SLU7: variants seen among roughly 807,000 people sequenced by gnomAD.
SLU7 encodes spliceosome associated SLU7.
SLU7 carries 60 observed loss-of-function variants against 87.0 expected under a neutral mutation model. The ratio of observed to expected loss-of-function variants is 0.69; its 90% CI spans 0.56 to 0.86. The LOEUF is 0.86. Among genes scored for constraint, SLU7 ranks in the 40% least tolerant of loss-of-function variants. SLU7 has a pLI of 0.00. For missense variants in SLU7, 507 were observed against 686.6 expected (o/e 0.74, Z 2.92); for synonymous variants, 197 against 222.0 (o/e 0.89, Z 1.00).
intron 6 of SLU7, among the ~76,000 whole-genome samples, chr5:160,412,243 CTAAATA>C (rs901078533): frequency 2.0e-5 from 3 of 152,052 alleles, no homozygotes; most frequent in Non-Finnish European, 4.4e-5. Context: ...TTGTGTGTGT[CTAAATA>C]TAAATAGTGG....
intron 6 of SLU7, 125 bp from the exon 7 acceptor site, chr5:160,408,822 T>TA: frequency 5.7e-6 from 1 of 175,450 alleles, no homozygotes. Flanking sequence ...TAAAATATAT[T>TA]TTATTATATA....
intron 15 of SLU7, 75 bp downstream of exon 15, chr5:160,404,364 CA>C: frequency 9.6e-6 from 9 of 939,702 alleles, no homozygotes; most frequent in Non-Finnish European, 8.3e-6. Context: ...GACCCTGTCT[CA>C]AAAAAATAAA....
intron 1 of SLU7, chr5:160,417,111 C>T (rs1162518599): frequency 6.6e-6 from 1 of 152,192 alleles, no homozygotes; most frequent in Non-Finnish European, 1.5e-5. Flanking sequence ...AACAAACTTA[C>T]TTCTTTAGTA....
rs548707689 is a variant in SLU7 at position 160,405,264 on chromosome 5, G to A, written c.1288-129C>T. ...TGGGAGAAAAATTATGGGGATTCAA[G>A]GCTGGCTAACAGGGAGAAGGTAGTC... is the stretch of plus-strand genomic sequence containing the variant. On this transcript the variant is annotated intron_variant, in intron 12 of 15. Coordinates refer to ENST00000297151, the MANE Select transcript of SLU7 (RefSeq NM_006425.5). 2.6e-5 allele frequency: 17 copies of A among 648,626 alleles called. No individual in the cohort carries two copies. The East Asian group carries it at 4.7e-4, about 18-fold the overall frequency. The allele number at this position is 648,626 out of a possible 1,614,324, so 40.2% of individuals were successfully genotyped here. A position where few individuals can be genotyped will look rare whatever the true frequency, so the allele number is the denominator to read the frequency against.
At chr5:160,415,428 T>C (rs2113165560) in intron 1 of SLU7, 118 bp from the exon 2 acceptor site, 2 of 686,384 alleles carry the variant, frequency 2.9e-6, no homozygotes, top group African/African-American at 1.9e-5. Context: ...TCCTATATTA[T>C]GTGTAAGGAA....
At position 160,413,500 on chromosome 5, in the gene SLU7, C is replaced by T. The variant is rs1398006098; in HGVS notation, c.526G>A (p.Glu176Lys). 6.2e-7 allele frequency: 1 copy of T among 1,613,824 alleles called. No individual in the cohort carries two copies. Among genetic ancestry groups the T allele is most frequent in the African/African-American group, 1.3e-5 (1 of 74,906 alleles). ...TCTTCAACAATTTTCATGTGTTCTT[C>T]TGGATTGTAGCCATTCCACCGATCC... ...KRDRWNGYNPEEHMKIVEEYA... is the reference protein window; with the variant it reads ...KRDRWNGYNPKEHMKIVEEYA... Residue 176 changes from glutamate to lysine, a missense_variant, in exon 5 of 16, where the codon GAA (glutamate) becomes AAA (lysine). This residue lies in a region of SLU7 where 155 missense variants were observed against 154.4 expected (regional missense o/e 1.00). Transcript: ENST00000297151.
At chr5:160,413,746 T>C in intron 4 of SLU7, 126 bp from the exon 5 acceptor site, 1 of 1,035,706 alleles carries the variant, frequency 9.7e-7, no homozygotes, top group East Asian at 2.6e-5. Context: ...CAGTAGAAAA[T>C]TTTGTTGGTG....
intron 1 of SLU7, chr5:160,418,450 A>AC (rs1224121501): frequency 6.6e-6 from 1 of 152,220 alleles, no homozygotes; most frequent in African/African-American, 2.4e-5. Context: ...AATATTAAAA[A>AC]CTAAAACTGA....
In SLU7 at chr5:160,408,412, CA is replaced by C. The variant is rs1226466792; in HGVS notation, c.735del (p.Asp245GlufsTer31). 1 of 1,610,090 alleles carries C rather than the reference CA, an allele frequency of 6.2e-7. No homozygotes were observed. The highest frequency in any genetic ancestry group is 1.7e-5 in the Admixed American group (1 of 59,796). On this transcript the variant is annotated frameshift_variant, in exon 8 of 16. Transcript: ENST00000297151. LOFTEE classifies it high-confidence loss of function. ...AAATTCTGTCCAGGCATGTCAATAT[CA>C]TCTGCATATTTATCTTCATCCTCAT... ...SEDEDEDKYA[D>X]DIDMPGQNFD... is the part of the protein sequence containing the mutation.
chr5:160,416,639 G>T lies in SLU7; in HGVS notation c.-16-1329C>A, dbSNP rs560695162. Among the ~76,000 whole-genome samples the T allele has an allele frequency of 2.6e-5, 4 of 152,224 alleles. No individual in the cohort carries two copies. In the South Asian group the frequency reaches 8.3e-4, roughly 32 times the overall value. On this transcript the variant is annotated intron_variant, in intron 1 of 15. Transcript: ENST00000297151. Reference sequence around the variant, plus strand: ...ATCCCTACATCTATCTCATCACTAAGAACAGTTATTTTCACCTTTTGAGTA... The same window carrying T: ...ATCCCTACATCTATCTCATCACTAATAACAGTTATTTTCACCTTTTGAGTA...
At position 160,413,440 on chromosome 5, in the gene SLU7, A is replaced by G; in HGVS notation, c.570+16T>C. 6.2e-7 allele frequency: 1 copy of G among 1,610,662 alleles called. No homozygotes were observed. Among genetic ancestry groups the G allele is most frequent in the Middle Eastern group, 1.7e-4 (1 of 6,056 alleles). Reference sequence around the variant, plus strand: ...GATTCTTTAAAAACCCCAGGAAAGCAGGGAATTTTGCTCACCAAATCAACT... The same window carrying G: ...GATTCTTTAAAAACCCCAGGAAAGCGGGGAATTTTGCTCACCAAATCAACT... On this transcript the variant is annotated intron_variant, in intron 5 of 15. Coordinates refer to ENST00000297151, the MANE Select transcript of SLU7 (RefSeq NM_006425.5).
chr5:160,414,485 T>TTA lies in SLU7; in HGVS notation c.171-14_171-13insTA. The TTA allele has an allele frequency of 2.1e-5, 24 of 1,160,726 alleles. No individual in the cohort carries two copies. Among genetic ancestry groups the TTA allele is most frequent in the Non-Finnish European group, 2.3e-5 (20 of 859,638 alleles). 71.9% of individuals were successfully genotyped at this position (1,160,726 alleles called of 1,614,324 possible). Reference sequence around the variant, plus strand: ...GGGGTTGATGTCTCTGTAATTAAAGTAAAAAAAAAAAAAATTTAAGGATAA... The same window carrying TTA: ...GGGGTTGATGTCTCTGTAATTAAAGTTAAAAAAAAAAAAAAATTTAAGGATAA... On this transcript the variant is annotated splice_polypyrimidine_tract_variant and intron_variant, in intron 2 of 15. Transcript: ENST00000297151.
rs1419146244 is a variant in SLU7 at position 160,407,101 on chromosome 5, A to C, written c.1125+375T>G. Among the ~76,000 whole-genome samples, 1 of 152,204 alleles carries C rather than the reference A, an allele frequency of 6.6e-6. No homozygotes were observed. Among genetic ancestry groups the C allele is most frequent in the Non-Finnish European group, 1.5e-5 (1 of 68,034 alleles). On this transcript the variant is annotated intron_variant, in intron 11 of 15. Coordinates refer to ENST00000297151, the MANE Select transcript of SLU7 (RefSeq NM_006425.5). This position sits in a 1 kb window ranked among gnomAD's most constrained non-coding sequence, Gnocchi z 4.2. ...CTGTGCTACCCTACTAGAGGATGAA[A>C]GACCACATGGGGTGGAGATGAGCTG...
In SLU7 at chr5:160,412,522, T is replaced by TAAA. The variant is rs771953752; in HGVS notation, c.571-4_571-3insTTT. On this transcript the variant is annotated splice_polypyrimidine_tract_variant and splice_region_variant and intron_variant, in intron 5 of 15. Coordinates refer to ENST00000297151, the MANE Select transcript of SLU7 (RefSeq NM_006425.5). ...TGGGCTTTCAATGTTCGTTTTGCCT[T>TAAA]TAAAAAAAAAAAAAAGAAAGAAAGA... 19 of 587,506 alleles carry TAAA rather than the reference T, an allele frequency of 3.2e-5. No individual in the cohort carries two copies. The highest frequency in any genetic ancestry group is 1.6e-4 in the Admixed American group (2 of 12,166). 36.4% of individuals were successfully genotyped at this position (587,506 alleles called of 1,614,324 possible).
intron 1 of SLU7, 118 bp downstream of exon 1, chr5:160,418,905 C>T (rs1449519948): frequency 1.3e-5 from 2 of 152,366 alleles, no homozygotes; most frequent in Non-Finnish European, 1.5e-5. Flanking sequence ...CTCGCTCCCT[C>T]AACACCTGAG....
intron 4 of SLU7, 93 bp downstream of exon 4, chr5:160,413,806 T>C (rs1293829312): frequency 9.8e-7 from 1 of 1,024,130 alleles, no homozygotes; most frequent in East Asian, 2.5e-5. Context: ...TACCTAAATA[T>C]AGGTGATTTC....
Position 160,407,782 on chromosome 5 carries a change from A to G in SLU7, c.949T>C (p.Tyr317His), listed in dbSNP as rs752074524. 1.2e-6 allele frequency: 2 copies of G among 1,613,200 alleles called. No individual in the cohort carries two copies. The highest frequency in any genetic ancestry group is 1.7e-6 in the Non-Finnish European group (2 of 1,179,272). The change falls in exon 10 of 16, where the codon TAC becomes CAC. Residue 317 changes from tyrosine (Y) to histidine (H), a missense_variant. Tyr to His is a moderately conservative substitution (Grantham distance 83). Coordinates refer to ENST00000297151, the MANE Select transcript of SLU7 (RefSeq NM_006425.5). This position sits in a 1 kb window ranked among gnomAD's most constrained non-coding sequence, Gnocchi z 4.2. ...VSYAGDNFVR[Y>H]TGDTISMAQT... The stretch of plus-strand genomic sequence containing the variant: ...GCCATTGAAATGGTATCTCCTGTGT[A>G]CCTAACAAAGTTATCTCCAGCATAA...
At chr5:160,417,071 C>T (rs573218230) in intron 1 of SLU7, 1 of 152,236 alleles carries the variant, frequency 6.6e-6, no homozygotes, top group Admixed American at 6.5e-5. Context: ...GTTTGTGAGG[C>T]CTCCCCAGCC....
intron 1 of SLU7, among the ~76,000 whole-genome samples, chr5:160,416,700 G>T (rs1765469976): frequency 6.6e-6 from 1 of 152,096 alleles, no homozygotes; most frequent in Non-Finnish European, 1.5e-5. Context: ...CATTCTTACT[G>T]CTACCACCCT....
Sources: gnomAD v4.1 joint callset for allele counts (sites outside exome capture counted in the v4.1 genomes callset) on GRCh38, gnomAD v4.1.1 for gene constraint, gnomAD v4.1.1 regional missense constraint, Gnocchi (gnomAD v3.1) non-coding constraint, MANE v1.5 for transcripts, NCBI Gene and HGNC (gene_info 2026-07-23, HGNC 2026-07-21) for gene names.